The following ZNF444 variants were observed in gnomAD, a reference collection of about 807,000 sequenced individuals.
The protein encoded by ZNF444 is zinc finger protein 444, also known as endothelial zinc finger protein 2.
ZNF444 carries 8 observed loss-of-function variants against 14.4 expected under a neutral mutation model. That is an observed-to-expected ratio of 0.56 (90% CI 0.33 to 1.00). The LOEUF (loss-of-function observed/expected upper bound fraction) is 1.00. ZNF444 is among the 50% of genes least tolerant of loss of function. The probability of loss-of-function intolerance (pLI) is 0.03; values close to 1 mark genes in which losing one functional copy is unlikely to be tolerated. For synonymous variants in ZNF444, 258 were observed against 235.9 expected, an observed-to-expected ratio of 1.09 and a Z score of -0.86; for missense variants, 510 against 504.8, an observed-to-expected ratio of 1.01 and a Z score of -0.10.
At chr19:56,153,235 A>G (rs1194480831) in intron 3 of ZNF444, among the ~76,000 whole-genome samples, 5 of 152,166 alleles carry the variant, frequency 3.3e-5, no homozygotes, top group African/African-American at 1.2e-4. Flanking sequence ...GGACTTAGAG[A>G]AATATATAGC....
chr19:56,150,538 C>T (rs1446520840), intron 3 of ZNF444: 3 of 396,504 alleles, frequency 7.6e-6, no homozygotes, highest in South Asian at 1.9e-5. Flanking sequence ...TCCACACAGA[C>T]GGGAATAACA....
At chr19:56,138,788 T>C (rs1309811689), upstream of ZNF444, among the ~76,000 whole-genome samples, 2 of 106,570 alleles carry the variant, frequency 1.9e-5, no homozygotes, top group East Asian at 4.9e-4. Flanking sequence ...ACAGCTTGAA[T>C]GTACTTTTTT....
At chr19:56,138,655 G>A (rs1296948471), upstream of ZNF444, among the ~76,000 whole-genome samples, 1 of 151,998 alleles carries the variant, frequency 6.6e-6, no homozygotes, top group Admixed American at 6.6e-5. Flanking sequence ...TACAGAAACT[G>A]ATAACAGAAT....
chr19:56,143,561 G>C (rs1357007331), intron 1 of ZNF444: 1 of 152,210 alleles, frequency 6.6e-6, no homozygotes, highest in African/African-American at 2.4e-5. Flanking sequence ...GCAAGTCCAG[G>C]CTCTGCCACG....
intron 3 of ZNF444, chr19:56,150,201 G>A: frequency 9.4e-6 from 2 of 212,266 alleles, no homozygotes; most frequent in Non-Finnish European, 9.6e-6. Flanking sequence ...CTGAGCTCAT[G>A]CCATCTGTTT....
At chr19:56,137,918 T>C (rs534003499), upstream of ZNF444, among the ~76,000 whole-genome samples, 2 of 152,098 alleles carry the variant, frequency 1.3e-5, no homozygotes, top group Admixed American at 1.3e-4. Flanking sequence ...GGTCAGGAGT[T>C]TGTGACCAGC....
chr19:56,136,832 A>T (rs1190099959), upstream of ZNF444, among the ~76,000 whole-genome samples: 1 of 151,918 alleles, frequency 6.6e-6, no homozygotes, highest in Non-Finnish European at 1.5e-5. Context: ...CCCAGGCTGG[A>T]GTGCAATGGC....
intron 3 of ZNF444, chr19:56,150,599 CTG>C (rs2031516943): frequency 2.2e-6 from 1 of 447,032 alleles, no homozygotes; most frequent in Non-Finnish European, 4.5e-6. Flanking sequence ...GCACATGATA[CTG>C]GCTTTCCATT....
chr19:56,158,684 C>T (rs2032060267), intron 4 of ZNF444, 82 bp downstream of exon 4: 1 of 1,272,012 alleles, frequency 7.9e-7, no homozygotes, highest in East Asian at 2.7e-5. Context: ...GGCACCAGGA[C>T]CCAGGACAAG....
intron 3 of ZNF444, chr19:56,150,420 C>T (rs143409140): frequency 1.0e-3 from 356 of 348,038 alleles, no homozygotes; most frequent in Non-Finnish European, 1.7e-3. Flanking sequence ...TGCTCCGAGG[C>T]GAACCTCTCA....
In ZNF444 at chr19:56,160,114, C is replaced by T. The variant is rs763821520; in HGVS notation, c.897C>T (p.Ile299=). The T allele has an allele frequency of 1.5e-5, 22 of 1,490,984 alleles. No individual in the cohort carries two copies. Among genetic ancestry groups the T allele is most frequent in the Admixed American group, 2.2e-5 (1 of 44,676 alleles). The allele number at this position is 1,490,984 out of a possible 1,614,324, so 92.4% of individuals were successfully genotyped here. ...AGCACGTGCTGCGCCACCAGCGCAT[C>T]CACGGCCGGGCAGCGGCCAGCGCGC... ...RREHVLRHQR[I]HGRAAASAQG... The change falls in exon 5 of 5, where the codon ATC becomes ATT. Residue 299 remains isoleucine, a synonymous_variant. Coordinates refer to ENST00000337080, the MANE Select transcript of ZNF444 (RefSeq NM_018337.4).
At chr19:56,138,851 C>T (rs1437926597), upstream of ZNF444, among the ~76,000 whole-genome samples, 1 of 123,664 alleles carries the variant, frequency 8.1e-6, no homozygotes, top group African/African-American at 3.2e-5. Flanking sequence ...GACTGAAGTG[C>T]AGCGGTGCAA....
At chr19:56,139,438 A>T (rs2030690436), upstream of ZNF444, among the ~76,000 whole-genome samples, 2 of 152,244 alleles carry the variant, frequency 1.3e-5, no homozygotes, top group South Asian at 2.1e-4. Context: ...TTGCAATCAC[A>T]GCATTTTGGG....
At position 56,160,484 on chromosome 19, in the gene ZNF444, T is replaced by A. The variant is rs1010496431; in HGVS notation, c.*283T>A. 3 of 363,148 alleles carry A rather than the reference T, an allele frequency of 8.3e-6. No homozygotes were observed. Among genetic ancestry groups the A allele is most frequent in the Non-Finnish European group, 1.5e-5 (3 of 202,104 alleles). The allele number at this position is 363,148 out of a possible 1,614,324, so 22.5% of individuals were successfully genotyped here. A position where few individuals can be genotyped will look rare whatever the true frequency, so the allele number is the denominator to read the frequency against. Reference sequence around the variant, plus strand: ...GGGCCTCTCCCTAATGTCTCCTCCTTCCCCCCTCTTCTCTCTCCTGCGGCC... The same window carrying A: ...GGGCCTCTCCCTAATGTCTCCTCCTACCCCCCTCTTCTCTCTCCTGCGGCC... On this transcript the variant is annotated 3_prime_UTR_variant, in exon 5 of 5. Coordinates refer to ENST00000337080, the MANE Select transcript of ZNF444 (RefSeq NM_018337.4).
upstream of ZNF444, among the ~76,000 whole-genome samples, chr19:56,136,309 G>A (rs2030610393): frequency 6.6e-6 from 1 of 152,066 alleles, no homozygotes; most frequent in African/African-American, 2.4e-5. Context: ...AACTCTGGCT[G>A]GACACTGATT....
At chr19:56,134,661 T>C (rs2030571167) in intron 1 of ZNF444, among the ~76,000 whole-genome samples, 2 of 152,142 alleles carry the variant, frequency 1.3e-5, no homozygotes, top group African/African-American at 4.8e-5. Context: ...AGGAAGTCGT[T>C]CCTTCATTTC....
intron 1 of ZNF444, chr19:56,143,682 T>A (rs537926709): frequency 6.6e-6 from 1 of 152,358 alleles, no homozygotes; most frequent in South Asian, 2.1e-4. Context: ...ATTTGAGTGC[T>A]AGCCAGAATG....
Position 56,159,905 on chromosome 19 carries a change from C to A in ZNF444, c.688C>A (p.Pro230Thr). 3 of 1,374,982 alleles carry A rather than the reference C, an allele frequency of 2.2e-6. No individual in the cohort carries two copies. Among genetic ancestry groups the A allele is most frequent in the Admixed American group, 2.3e-5 (1 of 42,856 alleles). 85.2% of individuals were successfully genotyped at this position (1,374,982 alleles called of 1,614,324 possible). A position where few individuals can be genotyped will look rare whatever the true frequency, so the allele number is the denominator to read the frequency against. The stretch of plus-strand genomic sequence containing the variant: ...CCTGCGGCGCCACCGCGACACGCAC[C>A]CCGGCAGCCCCGGCAGCCCCGGGCC... ...EHLRRHRDTHPGSPGSPGPAL... is the reference protein window; with the variant it reads ...EHLRRHRDTHTGSPGSPGPAL... The change falls in exon 5 of 5, where the codon CCC (proline) becomes ACC (threonine). Residue 230 changes from proline (P) to threonine (T), a missense_variant. Coordinates refer to ENST00000337080, the MANE Select transcript of ZNF444 (RefSeq NM_018337.4).
In ZNF444 at chr19:56,160,501, C is replaced by G. The variant is rs1314649882; in HGVS notation, c.*300C>G. On this transcript the variant is annotated 3_prime_UTR_variant, in exon 5 of 5. Coordinates refer to ENST00000337080, the MANE Select transcript of ZNF444 (RefSeq NM_018337.4). ...CTCCTCCTTCCCCCCTCTTCTCTCTCCTGCGGCCCAGCCTCCCTCTCCCTC... is the reference window on the plus strand; with the variant it reads ...CTCCTCCTTCCCCCCTCTTCTCTCTGCTGCGGCCCAGCCTCCCTCTCCCTC... 2 of 372,150 alleles carry G rather than the reference C, an allele frequency of 5.4e-6. No homozygotes were observed. Among genetic ancestry groups the G allele is most frequent in the African/African-American group, 4.3e-5 (2 of 46,984 alleles). 23.1% of individuals were successfully genotyped at this position (372,150 alleles called of 1,614,324 possible).
Sources: allele counts gnomAD v4.1 joint callset (sites outside exome capture counted in the v4.1 genomes callset), GRCh38; gene constraint gnomAD v4.1.1; transcripts MANE v1.5; gene names NCBI Gene and HGNC (gene_info 2026-07-23, HGNC 2026-07-21).